FMNL2: variants seen among roughly 807,000 people sequenced by gnomAD.
FMNL2 encodes formin like 2.
In FMNL2, 51 loss-of-function variants were observed where a neutral mutation model predicts 130.2. The observed-to-expected ratio is 0.39, with a 90% CI of 0.31 to 0.49. FMNL2 has a LOEUF of 0.49. FMNL2 is among the 20% of genes least tolerant of loss of function. The probability of loss-of-function intolerance (pLI) is 0.85; values close to 1 mark genes in which losing one functional copy is unlikely to be tolerated. For synonymous variants in FMNL2, 465 were observed against 467.1 expected, an observed-to-expected ratio of 1.00 and a Z score of 0.06; for missense variants, 977 against 1,316.2, an observed-to-expected ratio of 0.74 and a Z score of 3.99.
intron 1 of FMNL2, among the ~76,000 whole-genome samples, chr2:152,364,618 G>T (rs1683406736): frequency 6.6e-6 from 1 of 152,112 alleles, no homozygotes; most frequent in Admixed American, 6.6e-5. Flanking sequence ...ATATGCTTTG[G>T]GTACTTTTCC....
In FMNL2 at chr2:152,636,556, T is replaced by C; in HGVS notation, c.2810T>C (p.Leu937Pro). 1 of 1,574,666 alleles carries C rather than the reference T, an allele frequency of 6.4e-7. No individual in the cohort carries two copies. Among genetic ancestry groups the C allele is most frequent in the South Asian group, 1.2e-5 (1 of 86,198 alleles). Residue 937 changes from leucine (L) to proline (P), a missense_variant, in exon 22 of 26, where the codon CTG becomes CCG. Transcript: ENST00000288670. ...KEFILNNEGKLKKLQDDAKIA... is the reference protein window; with the variant it reads ...KEFILNNEGKPKKLQDDAKIA... ...TTCATCCTCAACAATGAGGGGAAGC[T>C]GAAGAAGCTGCAGGATGATGCCAAG...
rs540730114 is a variant in FMNL2 at position 152,599,404 on chromosome 2, T to A, written c.877-7935T>A. Among the ~76,000 whole-genome samples the A allele has an allele frequency of 2.7e-5, 3 of 110,896 alleles. No homozygotes were observed. In the South Asian group the frequency reaches 9.7e-4, roughly 36 times the overall value. The allele number at this position is 110,896 out of a possible 152,430, so 72.8% of individuals were successfully genotyped here. On this transcript the variant is annotated intron_variant, in intron 9 of 25. Transcript: ENST00000288670. The stretch of plus-strand genomic sequence containing the variant: ...ACTCTCTAGAATTTATTGAAGGTCA[T>A]CTTTTTTTTTTTTTTTTTTTTTTTT...
At chr2:152,504,063 C>T (rs1301081327) in intron 1 of FMNL2, among the ~76,000 whole-genome samples, 3 of 152,160 alleles carry the variant, frequency 2.0e-5, no homozygotes, top group East Asian at 1.9e-4. Context: ...TGGTGGCACG[C>T]GCCTGTAGTC....
At position 152,496,241 on chromosome 2, in the gene FMNL2, G is replaced by A. The variant is rs1379694513; in HGVS notation, c.118-25702G>A. 2.6e-5 allele frequency among the ~76,000 whole-genome samples: 4 copies of A among 152,250 alleles called. No individual in the cohort carries two copies. The South Asian group carries it at 8.3e-4, about 32-fold the overall frequency. The stretch of plus-strand genomic sequence containing the variant: ...AGTTTCTTCTAATTTGGAACAGTCA[G>A]TCTGTCTTTGTTCTTTATGATTTTG... On this transcript the variant is annotated intron_variant, in intron 1 of 25. Coordinates refer to ENST00000288670, the MANE Select transcript of FMNL2 (RefSeq NM_052905.4).
At chr2:152,389,884 C>A in intron 1 of FMNL2, 1 of 1,021,530 alleles carries the variant, frequency 9.8e-7, no homozygotes, top group Non-Finnish European at 1.5e-6. Flanking sequence ...ACAGAAGGCC[C>A]GGTGGGAGAA....
intron 1 of FMNL2, among the ~76,000 whole-genome samples, chr2:152,393,197 C>T (rs1460537558): frequency 6.6e-6 from 1 of 152,144 alleles, no homozygotes; most frequent in Admixed American, 6.5e-5. Context: ...AGGTAAGACA[C>T]TGTGGTATCA....
At chr2:152,638,704 C>T (rs768497409) in intron 23 of FMNL2, among the ~76,000 whole-genome samples, 2 of 152,156 alleles carry the variant, frequency 1.3e-5, no homozygotes, top group East Asian at 1.9e-4. Context: ...AGGATTTGCT[C>T]GTGATGAGAA....
intron 1 of FMNL2, among the ~76,000 whole-genome samples, chr2:152,375,008 TG>T (rs577308835): frequency 2.0e-5 from 3 of 152,248 alleles, no homozygotes; most frequent in Non-Finnish European, 4.4e-5. Context: ...GCTATTGAAC[TG>T]GAACTATAGT....
intron 1 of FMNL2, among the ~76,000 whole-genome samples, chr2:152,513,134 T>C (rs1052868426): frequency 2.0e-5 from 3 of 152,226 alleles, no homozygotes; most frequent in Non-Finnish European, 4.4e-5. Context: ...TATACAGTTT[T>C]GTGTTGCTTA....
At chr2:152,643,466 C>T (rs1038215035) in intron 25 of FMNL2, 26 of 1,536,008 alleles carry the variant, frequency 1.7e-5, no homozygotes, top group African/African-American at 2.7e-5. Flanking sequence ...GCGTGGCTCT[C>T]GGTTTTTCTG....
chr2:152,438,226 A>G (rs1377661526), intron 1 of FMNL2, among the ~76,000 whole-genome samples: 3 of 152,224 alleles, frequency 2.0e-5, no homozygotes, highest in Non-Finnish European at 4.4e-5. Context: ...TAAATAGGGA[A>G]TAATTAGGAA....
intron 2 of FMNL2, among the ~76,000 whole-genome samples, chr2:152,523,318 T>G (rs967963974): frequency 6.6e-6 from 1 of 152,162 alleles, no homozygotes; most frequent in Non-Finnish European, 1.5e-5. Context: ...AGAGACAGAT[T>G]TGTGGCCTGA....
At chr2:152,570,031 G>T (rs1696091186) in intron 6 of FMNL2, among the ~76,000 whole-genome samples, 1 of 150,584 alleles carries the variant, frequency 6.6e-6, no homozygotes, top group Non-Finnish European at 1.5e-5. Context: ...GAAAAGAAAA[G>T]ATATTTGCAA....
chr2:152,593,902 TGAGAGA>T (rs143746034), intron 9 of FMNL2, among the ~76,000 whole-genome samples: 17,138 of 80,382 alleles, frequency 0.21, 1,239 homozygotes, highest in East Asian at 0.35. Flanking sequence ...TGTGTGTGTG[TGAGAGA>T]GAGAGAGAGA....
At chr2:152,342,808 C>T (rs778546876) in intron 1 of FMNL2, among the ~76,000 whole-genome samples, 7 of 152,240 alleles carry the variant, frequency 4.6e-5, no homozygotes, top group Admixed American at 1.3e-4. Flanking sequence ...AACCAAGGCC[C>T]GGAGATGTGG....
chr2:152,614,272 A>G (rs1320822067), intron 11 of FMNL2, among the ~76,000 whole-genome samples: 1 of 152,216 alleles, frequency 6.6e-6, no homozygotes, highest in Non-Finnish European at 1.5e-5. Flanking sequence ...AATGTTTTAC[A>G]TAGGAATATA....
chr2:152,532,538 G>T (rs1341909361), intron 2 of FMNL2, among the ~76,000 whole-genome samples: 2 of 151,388 alleles, frequency 1.3e-5, no homozygotes, highest in Admixed American at 6.6e-5. Flanking sequence ...TTATGTGCCT[G>T]TTTGACATTT....
At chr2:152,366,713 C>G (rs910535352) in intron 1 of FMNL2, among the ~76,000 whole-genome samples, 1 of 152,150 alleles carries the variant, frequency 6.6e-6, no homozygotes, top group African/African-American at 2.4e-5. Context: ...CGTCTGAAAT[C>G]CCCGTACTTT....
At chr2:152,472,507 T>G (rs963305967) in intron 1 of FMNL2, among the ~76,000 whole-genome samples, 12 of 152,240 alleles carry the variant, frequency 7.9e-5, no homozygotes, top group African/African-American at 2.9e-4. Flanking sequence ...CTACTTACAG[T>G]CTTTATCCCA....
Sources: allele counts gnomAD v4.1 joint callset (sites outside exome capture counted in the v4.1 genomes callset), GRCh38; gene constraint gnomAD v4.1.1; transcripts MANE v1.5; gene names NCBI Gene and HGNC (gene_info 2026-07-23, HGNC 2026-07-21).